Variants in PRDM2 observed in about 807,000 individuals in gnomAD.
PRDM2 encodes PR/SET domain 2.
A neutral mutation model predicts 130.0 loss-of-function variants in PRDM2; 30 were observed. The observed-to-expected ratio is 0.23, with a 90% confidence interval of 0.17 to 0.31. The LOEUF is 0.31. PRDM2 is among the 10% of genes least tolerant of loss of function. The probability of loss-of-function intolerance (pLI) is 1.00; values close to 1 mark genes in which losing one functional copy is unlikely to be tolerated. For synonymous variants in PRDM2, 871 were observed against 782.4 expected, an observed-to-expected ratio of 1.11 and a Z score of -1.89; for missense variants, 2,011 against 2,108.4, an observed-to-expected ratio of 0.95 and a Z score of 0.90.
chr1:13,815,359 G>A lies in PRDM2; in HGVS notation c.5037-1068G>A, dbSNP rs567169131. Among the ~76,000 whole-genome samples, 22 of 152,204 alleles carry A rather than the reference G, an allele frequency of 1.4e-4. No individual in the cohort carries two copies. In the South Asian group the frequency reaches 2.7e-3, roughly 19 times the overall value. On this transcript the variant is annotated intron_variant, in intron 8 of 9. Coordinates refer to ENST00000311066, the MANE Select transcript of PRDM2 (RefSeq NM_001393986.1). ...ACTCCTGACCTCAGGTGATCCACCC[G>A]CCTCAGCCTCCCAAAGTGCTGGGAT...
chr1:13,779,164 A>G lies in PRDM2; in HGVS notation c.1369A>G (p.Ile457Val). The G allele has an allele frequency of 6.2e-7, 1 of 1,614,246 alleles. No homozygotes were observed. The highest frequency in any genetic ancestry group is 1.1e-5 in the South Asian group (1 of 91,090). ...TCCCAGTCTTGGGCCAGACTGTCTG[A>G]TCATGAATTCAGAGAAGGCTTCCCA... ...SPPSLGPDCLIMNSEKASQDT... is the reference protein window; with the variant it reads ...SPPSLGPDCLVMNSEKASQDT... The change falls in exon 8 of 10, where the codon ATC becomes GTC. Residue 457 changes from isoleucine (I) to valine (V), a missense_variant. This residue lies in a region of PRDM2 where 1,288 missense variants were observed against 1,237.7 expected (regional missense o/e 1.04). Coordinates refer to ENST00000311066, the MANE Select transcript of PRDM2 (RefSeq NM_001393986.1). The surrounding 1 kb of genome is among the most constrained non-coding windows in gnomAD (Gnocchi z 4.9).
intron 8 of PRDM2, among the ~76,000 whole-genome samples, chr1:13,799,506 A>G (rs368294296): frequency 7.2e-4 from 109 of 152,040 alleles, no homozygotes; most frequent in African/African-American, 2.5e-3. Flanking sequence ...GTGGAATAGG[A>G]CCAGAAATCC....
At chr1:13,736,120 T>C (rs894350106) in intron 4 of PRDM2, among the ~76,000 whole-genome samples, 2 of 151,072 alleles carry the variant, frequency 1.3e-5, no homozygotes, top group Admixed American at 1.3e-4. Flanking sequence ...TTTTCTTTTT[T>C]TTTTTTTTTT....
At chr1:13,790,598 G>A (rs879451969) in intron 8 of PRDM2, among the ~76,000 whole-genome samples, 1 of 152,154 alleles carries the variant, frequency 6.6e-6, no homozygotes, top group Non-Finnish European at 1.5e-5. Context: ...AGTATTATGG[G>A]ATAAGAAAAA....
chr1:13,745,643 C>G (rs376107140), intron 5 of PRDM2, among the ~76,000 whole-genome samples: 1 of 152,014 alleles, frequency 6.6e-6, no homozygotes, highest in Admixed American at 6.5e-5. Flanking sequence ...CAGGTGGTCT[C>G]GAACTCCTGA....
intron 2 of PRDM2, among the ~76,000 whole-genome samples, chr1:13,724,691 C>T (rs1642850777): frequency 1.3e-5 from 2 of 152,050 alleles, no homozygotes; most frequent in African/African-American, 4.8e-5. Flanking sequence ...GACGGGGTTT[C>T]ACCATGTTGG....
At position 13,824,610 on chromosome 1, in the gene PRDM2, C is replaced by T. The variant is rs1033896636; in HGVS notation, c.*1475C>T. 4.6e-5 allele frequency: 7 copies of T among 152,144 alleles called. No homozygotes were observed. Among genetic ancestry groups the T allele is most frequent in the East Asian group, 1.9e-4 (1 of 5,188 alleles). The allele number at this position is 152,144 out of a possible 1,614,324, so 9.4% of individuals were successfully genotyped here. ...TCCTGTTTCCCACCCAGCTAAAAAC[C>T]GTTGTTTGCTTTAAATTTTCATAAA... On this transcript the variant is annotated 3_prime_UTR_variant, in exon 10 of 10. Transcript: ENST00000311066.
intron 8 of PRDM2, among the ~76,000 whole-genome samples, chr1:13,785,498 T>C (rs550364533): frequency 2.6e-5 from 4 of 152,324 alleles, no homozygotes; most frequent in African/African-American, 9.6e-5. Context: ...GATTTTTCCA[T>C]GAGTTTTCTA....
At chr1:13,777,003 A>T (rs1433287647) in intron 7 of PRDM2, among the ~76,000 whole-genome samples, 1 of 152,156 alleles carries the variant, frequency 6.6e-6, no homozygotes, top group East Asian at 1.9e-4. Context: ...TAATATATTT[A>T]CTTGGATGTC....
chr1:13,747,585 C>T (rs1174395325), intron 5 of PRDM2, among the ~76,000 whole-genome samples: 1 of 151,968 alleles, frequency 6.6e-6, no homozygotes, highest in Admixed American at 6.6e-5. Context: ...GCCAAGGAAA[C>T]AGCTGCCTTG....
chr1:13,791,124 T>C (rs1015767248), intron 8 of PRDM2, among the ~76,000 whole-genome samples: 1 of 152,138 alleles, frequency 6.6e-6, no homozygotes, highest in Non-Finnish European at 1.5e-5. Context: ...GTTTTTTTTT[T>C]TTAAGGGATT....
chr1:13,788,166 C>G (rs1644779093), intron 8 of PRDM2: 1 of 898,846 alleles, frequency 1.1e-6, no homozygotes, highest in South Asian at 5.1e-5. Context: ...AGAGCCCGCA[C>G]TCTAATTTAA....
intron 6 of PRDM2, among the ~76,000 whole-genome samples, chr1:13,758,297 A>T (rs1357085406): frequency 6.6e-6 from 1 of 151,938 alleles, no homozygotes; most frequent in Non-Finnish European, 1.5e-5. Flanking sequence ...TACAAAAATT[A>T]GCTGGGCGTG....
Position 13,742,100 on chromosome 1 carries a change from A to G in PRDM2, c.327A>G (p.Glu109=). Reference sequence around the variant, plus strand: ...ATGTGAATTGGGCTTGCTCAGGAGAAGAGCAAAATTTATTCCCACTGGAAA... The same window carrying G: ...ATGTGAATTGGGCTTGCTCAGGAGAGGAGCAAAATTTATTCCCACTGGAAA... The part of the protein sequence containing the change: ...LRYVNWACSG[E]EQNLFPLEIN... The change falls in exon 5 of 10, where the codon GAA becomes GAG. Residue 109 remains glutamate (E), a synonymous_variant. Transcript: ENST00000311066. 2 of 1,613,706 alleles carry G rather than the reference A, an allele frequency of 1.2e-6. No homozygotes were observed. The highest frequency in any genetic ancestry group is 1.7e-6 in the Non-Finnish European group (2 of 1,179,538).
chr1:13,722,542 A>G (rs1298001440), intron 2 of PRDM2, among the ~76,000 whole-genome samples: 2 of 151,964 alleles, frequency 1.3e-5, no homozygotes, highest in Non-Finnish European at 2.9e-5. Flanking sequence ...GACCGAACAA[A>G]CCCCATCTGA....
At position 13,781,540 on chromosome 1, in the gene PRDM2, C is replaced by T; in HGVS notation, c.3745C>T (p.Pro1249Ser). The change falls in exon 8 of 10, where the codon CCA becomes TCA. Residue 1249 changes from proline (P) to serine (S), a missense_variant. Physicochemically the swap from Pro to Ser is moderately conservative, Grantham distance 74 (BLOSUM62 -1). This residue lies in a region of PRDM2 where 229 missense variants were observed against 364.1 expected (regional missense o/e 0.63). Coordinates refer to ENST00000311066, the MANE Select transcript of PRDM2 (RefSeq NM_001393986.1). The surrounding 1 kb of genome is among the most constrained non-coding windows in gnomAD (Gnocchi z 6.1). ...CCATGTAGAGCATATGCAGAGCTTG[C>T]CAGAAGATCCTTTAGAAACTTCTAA... Reference protein sequence around the residue: ...KAHVEHMQSLPEDPLETSKEE... With the variant: ...KAHVEHMQSLSEDPLETSKEE... 1.2e-6 allele frequency: 2 copies of T among 1,612,194 alleles called. No individual in the cohort carries two copies. The highest frequency in any genetic ancestry group is 1.7e-6 in the Non-Finnish European group (2 of 1,179,910).
At chr1:13,752,126 A>G (rs1181818608) in intron 6 of PRDM2, among the ~76,000 whole-genome samples, 1 of 152,260 alleles carries the variant, frequency 6.6e-6, no homozygotes, top group African/African-American at 2.4e-5. Context: ...ATAGCTGATC[A>G]GTGCCTAGAC....
chr1:13,761,918 T>C lies in PRDM2; in HGVS notation c.512-11160T>C, dbSNP rs1019199595. Among the ~76,000 whole-genome samples, 3 of 152,180 alleles carry C rather than the reference T, an allele frequency of 2.0e-5. No homozygotes were observed. In the South Asian group the frequency reaches 6.2e-4, roughly 32 times the overall value. On this transcript the variant is annotated intron_variant, in intron 6 of 9. Transcript: ENST00000311066. ...GGACTTGTACATTTTTATAATAATA[T>C]CTGGGTGGGATCCTGTGAATCAGCG...
intron 7 of PRDM2, among the ~76,000 whole-genome samples, chr1:13,776,280 G>A (rs1644473275): frequency 6.6e-6 from 1 of 152,070 alleles, no homozygotes; most frequent in Non-Finnish European, 1.5e-5. Flanking sequence ...CAAGTGATTG[G>A]GGGAACAGCC....
Sources: gnomAD v4.1 joint callset for allele counts (sites outside exome capture counted in the v4.1 genomes callset) on GRCh38, gnomAD v4.1.1 for gene constraint, gnomAD v4.1.1 regional missense constraint, Gnocchi (gnomAD v3.1) non-coding constraint, MANE v1.5 for transcripts, NCBI Gene and HGNC (gene_info 2026-07-23, HGNC 2026-07-21) for gene names.